Variants in NEGR1 observed in about 807,000 individuals in gnomAD.
NEGR1 encodes the protein IgLON family member 4.
Under a neutral mutation model 40.9 loss-of-function variants are expected in NEGR1, and 10 were observed. That is an observed-to-expected ratio of 0.24 (90% CI 0.15 to 0.42). NEGR1 has a LOEUF of 0.42. NEGR1 is among the 10% of genes least tolerant of loss of function. The pLI is 1.00. For missense variants in NEGR1, 352 were observed against 438.9 expected (o/e 0.80, Z 1.77); for synonymous variants, 185 against 166.8 (o/e 1.11, Z -0.84).
At chr1:71,432,851 T>C (rs557498283) in intron 6 of NEGR1, among the ~76,000 whole-genome samples, 49 of 152,354 alleles carry the variant, frequency 3.2e-4, no homozygotes, top group African/African-American at 1.2e-3. Flanking sequence ...CTGGATGGTG[T>C]TGGAAGAATC....
intron 1 of NEGR1, among the ~76,000 whole-genome samples, chr1:72,013,866 T>G (rs1257796901): frequency 6.6e-6 from 1 of 150,740 alleles, no homozygotes; most frequent in African/African-American, 2.4e-5. Context: ...ATATGAATTT[T>G]GCATGCAGTA....
intron 1 of NEGR1, among the ~76,000 whole-genome samples, chr1:72,047,042 T>A (rs1647009101): frequency 6.6e-6 from 1 of 151,436 alleles, no homozygotes; most frequent in Non-Finnish European, 1.5e-5. Context: ...TTTCCATACT[T>A]AGTATCAAAA....
intron 6 of NEGR1, among the ~76,000 whole-genome samples, chr1:71,419,340 T>G (rs1646377802): frequency 1.3e-5 from 2 of 152,238 alleles, no homozygotes; most frequent in Non-Finnish European, 2.9e-5. Flanking sequence ...GCTTTGCACA[T>G]AGTAGGTGCA....
At chr1:72,083,823 A>G (rs905019175) in intron 1 of NEGR1, among the ~76,000 whole-genome samples, 4 of 152,084 alleles carry the variant, frequency 2.6e-5, no homozygotes, top group Admixed American at 2.0e-4. Context: ...CTACATGGAT[A>G]GCCTCTCCAC....
intron 1 of NEGR1, among the ~76,000 whole-genome samples, chr1:72,056,731 G>A (rs1288785225): frequency 6.6e-6 from 1 of 151,370 alleles, no homozygotes; most frequent in African/African-American, 2.4e-5. Flanking sequence ...TATTGAATTA[G>A]TTCCTTTTCA....
At position 71,401,628 on chromosome 1, in the gene NEGR1, A is replaced by G. The variant is rs1646247251; in HGVS notation, c.*5818T>C. 1 of 152,222 alleles carries G rather than the reference A, an allele frequency of 6.6e-6. No individual in the cohort carries two copies. The allele number at this position is 152,222 out of a possible 1,614,324, so 9.4% of individuals were successfully genotyped here. A position where few individuals can be genotyped will look rare whatever the true frequency, so the allele number is the denominator to read the frequency against. The stretch of plus-strand genomic sequence containing the variant: ...AGTATTTCAATATAAATGGCCTCAA[A>G]CAACATCACTCAGATTAAAATCAGT... On this transcript the variant is annotated 3_prime_UTR_variant, in exon 7 of 7. Coordinates refer to ENST00000357731, the MANE Select transcript of NEGR1 (RefSeq NM_173808.3).
chr1:72,231,038 T>G (rs963493771), intron 1 of NEGR1, among the ~76,000 whole-genome samples: 4 of 152,200 alleles, frequency 2.6e-5, no homozygotes, highest in Non-Finnish European at 4.4e-5. Context: ...CAATGATTCA[T>G]GTCCTGCCTA....
intron 2 of NEGR1, among the ~76,000 whole-genome samples, chr1:71,843,236 A>G (rs1476821496): frequency 6.6e-6 from 1 of 152,086 alleles, no homozygotes; most frequent in Non-Finnish European, 1.5e-5. Flanking sequence ...GGATGGAGAA[A>G]GGCTTGTCCT....
intron 5 of NEGR1, among the ~76,000 whole-genome samples, chr1:71,606,304 T>A (rs1650072664): frequency 1.3e-5 from 2 of 152,072 alleles, no homozygotes; most frequent in Admixed American, 1.3e-4. Context: ...TAGCACTACT[T>A]GTTGGGCATG....
intron 2 of NEGR1, among the ~76,000 whole-genome samples, chr1:71,911,500 A>T (rs1661419734): frequency 6.6e-6 from 1 of 152,206 alleles, no homozygotes; most frequent in Non-Finnish European, 1.5e-5. Context: ...AATGCAGAAC[A>T]CATTTAACTG....
At chr1:71,864,053 C>G (rs570097979) in intron 2 of NEGR1, among the ~76,000 whole-genome samples, 1 of 152,108 alleles carries the variant, frequency 6.6e-6, no homozygotes. Context: ...ATCTCTGTGA[C>G]TAGAAAATTT....
At chr1:72,078,498 T>G (rs1345107675) in intron 1 of NEGR1, among the ~76,000 whole-genome samples, 1 of 152,070 alleles carries the variant, frequency 6.6e-6, no homozygotes, top group South Asian at 2.1e-4. Context: ...TGCTGTTAGA[T>G]ATGTGTTTAC....
At chr1:71,576,149 G>T (rs1480673757) in intron 6 of NEGR1, among the ~76,000 whole-genome samples, 1 of 152,156 alleles carries the variant, frequency 6.6e-6, no homozygotes, top group African/African-American at 2.4e-5. Context: ...ATGAGTGGCT[G>T]CCCATAGAGT....
chr1:71,763,552 A>G (rs1186033717), intron 3 of NEGR1, among the ~76,000 whole-genome samples: 1 of 152,218 alleles, frequency 6.6e-6, no homozygotes, highest in African/African-American at 2.4e-5. Context: ...GTTCATCTGT[A>G]CAATGAGTTT....
At chr1:71,619,667 TGAAA>T (rs1650551547) in intron 4 of NEGR1, among the ~76,000 whole-genome samples, 1 of 152,030 alleles carries the variant, frequency 6.6e-6, no homozygotes, top group South Asian at 2.1e-4. Flanking sequence ...AAGCCAGCAG[TGAAA>T]GAAAGGGTCA....
At chr1:72,078,961 T>A (rs1165583061) in intron 1 of NEGR1, among the ~76,000 whole-genome samples, 2 of 151,296 alleles carry the variant, frequency 1.3e-5, no homozygotes, top group Admixed American at 1.3e-4. Context: ...ATTTTAACTA[T>A]CTCCATTTCA....
intron 2 of NEGR1, among the ~76,000 whole-genome samples, chr1:71,827,442 T>C (rs1658672031): frequency 6.6e-6 from 1 of 151,804 alleles, no homozygotes; most frequent in Non-Finnish European, 1.5e-5. Flanking sequence ...AAAAGCTGAC[T>C]CTCGGTAGAT....
At chr1:71,822,520 G>C (rs1467343995) in intron 2 of NEGR1, among the ~76,000 whole-genome samples, 2 of 151,882 alleles carry the variant, frequency 1.3e-5, no homozygotes, top group African/African-American at 4.8e-5. Flanking sequence ...ACTTGTCAAG[G>C]CTGATCTAGC....
chr1:72,031,989 T>C (rs951777466), intron 1 of NEGR1, among the ~76,000 whole-genome samples: 2 of 152,160 alleles, frequency 1.3e-5, no homozygotes. Flanking sequence ...TTCTCCAGAT[T>C]TAATGACAAA....
Sources: allele counts gnomAD v4.1 joint callset (sites outside exome capture counted in the v4.1 genomes callset), GRCh38; gene constraint gnomAD v4.1.1; transcripts MANE v1.5; gene names NCBI Gene and HGNC (gene_info 2026-07-23, HGNC 2026-07-21).